HK1: variants seen among roughly 807,000 people sequenced by gnomAD.
HK1 encodes hexokinase-1.
Under a neutral mutation model 91.6 loss-of-function variants are expected in HK1, and 28 were observed. The observed-to-expected ratio is 0.31, with a 90% confidence interval of 0.23 to 0.42. The LOEUF (loss-of-function observed/expected upper bound fraction) is 0.42, where lower values mean the gene tolerates loss of function less well. HK1 is among the 10% of genes least tolerant of loss of function. The pLI, the probability that HK1 is intolerant of heterozygous loss-of-function variation, is 1.00. For missense variants in HK1, 770 were observed against 1,219.8 expected (o/e 0.63, Z 5.49); for synonymous variants, 430 against 468.1 (o/e 0.92, Z 1.05).
chr10:69,305,556 A>T (rs1382859018), intron 5 of HK1, among the ~76,000 whole-genome samples: 1 of 152,124 alleles, frequency 6.6e-6, no homozygotes, highest in Admixed American at 6.6e-5. Context: ...CCAGTTAAAA[A>T]AAAAGAAAAA....
chr10:69,363,499 C>T (rs1312197535), intron 3 of HK1, among the ~76,000 whole-genome samples: 1 of 152,210 alleles, frequency 6.6e-6, no homozygotes, highest in Non-Finnish European at 1.5e-5. Flanking sequence ...TCATCTCAGC[C>T]TCCCAAGTAG....
rs747689299 is a variant in HK1, at chr10:69,382,623, C to T, written c.1402C>T (p.Arg468Trp). The T allele has an allele frequency of 9.3e-6, 15 of 1,614,058 alleles. No homozygotes were observed. Among genetic ancestry groups the T allele is most frequent in the Middle Eastern group, 3.3e-4 (2 of 6,084 alleles). ...GGCCTACCGCTTGGCCGAGCAGCACCGGCAGATAGAGGAGACCCTGGCTCA... is the reference window on the plus strand; with the variant it reads ...GGCCTACCGCTTGGCCGAGCAGCACTGGCAGATAGAGGAGACCCTGGCTCA... ...AVAYRLAEQH[R>W]QIEETLAHFH... Residue 468 changes from arginine to tryptophan, a missense_variant, in exon 10 of 18, where the codon CGG (arginine) becomes TGG (tryptophan). Physicochemically the swap from Arg to Trp is moderately radical, Grantham distance 101 (BLOSUM62 -3). Around this residue, in one of 7 missense-constraint regions of HK1, gnomAD observed 449 missense variants for 665.1 expected, o/e 0.68. Transcript: ENST00000359426.
At chr10:69,395,242 C>A (rs1840082760) in intron 16 of HK1, 137 bp downstream of exon 16, 1 of 733,354 alleles carries the variant, frequency 1.4e-6, no homozygotes, top group East Asian at 2.7e-5. Flanking sequence ...GAATAGCAGA[C>A]CCTGGGCATT....
Position 69,344,759 on chromosome 10 carries a change from G to T in HK1, c.226+770G>T, listed in dbSNP as rs75306805. Among the ~76,000 whole-genome samples, 87 of 152,266 alleles carry T rather than the reference G, an allele frequency of 5.7e-4. No homozygotes were observed. In the East Asian group the frequency reaches 0.015, roughly 26 times the overall value. ...CTGCTCAGTGGAAGCTGTTCTTCCC[G>T]GCAGACCCGCAGTTACTAGTTTGTG... On this transcript the variant is annotated intron_variant, in intron 2 of 17. Transcript: ENST00000359426.
chr10:69,395,516 T>G (rs1840095101), intron 16 of HK1, among the ~76,000 whole-genome samples: 2 of 152,188 alleles, frequency 1.3e-5, no homozygotes, highest in Non-Finnish European at 2.9e-5. Context: ...AGGTGGAGGT[T>G]GCAGTGAGCT....
chr10:69,398,935 C>T, intron 17 of HK1, 107 bp downstream of exon 17: 1 of 807,010 alleles, frequency 1.2e-6, no homozygotes, highest in South Asian at 1.6e-5. Context: ...GGGAGCCCAG[C>T]CAGGCTGAAG....
At position 69,300,458 on chromosome 10, in the gene HK1, CTG is replaced by C; in HGVS notation, c.-66-305_-66-304del. On this transcript the variant is annotated intron_variant, in intron 4 of 21. Transcript: ENST00000360289. ...AAAAAGAATCCCAGGATTTTCCTTC[CTG>C]TGTGTTTTCGTCTTGCTTCTTTATG... 3.7e-6 allele frequency: 3 copies of C among 820,044 alleles called. No homozygotes were observed. The South Asian group carries it at 4.3e-5, about 12-fold the overall frequency. 50.8% of individuals were successfully genotyped at this position (820,044 alleles called of 1,614,324 possible). A position where few individuals can be genotyped will look rare whatever the true frequency, so the allele number is the denominator to read the frequency against.
chr10:69,368,942 G>A (rs12248026), intron 5 of HK1, among the ~76,000 whole-genome samples: 2,266 of 152,336 alleles, frequency 0.015, 50 homozygotes, highest in African/African-American at 0.052. Context: ...AGAGGAGCCC[G>A]CCTTATCGGG....
At chr10:69,392,862 G>A (rs1839967118) in intron 15 of HK1, among the ~76,000 whole-genome samples, 1 of 152,208 alleles carries the variant, frequency 6.6e-6, no homozygotes, top group African/African-American at 2.4e-5. Context: ...GCAGAAAGAA[G>A]GGCTGGAGCA....
chr10:69,399,084 ACTC>A (rs951046783), intron 17 of HK1, among the ~76,000 whole-genome samples: 4 of 151,856 alleles, frequency 2.6e-5, no homozygotes, highest in African/African-American at 9.7e-5. Flanking sequence ...CCCTCACCCC[ACTC>A]CTCCTGGTCC....
intron 2 of HK1, among the ~76,000 whole-genome samples, chr10:69,347,921 C>A (rs574169284): frequency 6.6e-6 from 1 of 152,076 alleles, no homozygotes; most frequent in East Asian, 1.9e-4. Flanking sequence ...GCCTTTAGTT[C>A]AAAATACTCA....
In HK1 at chr10:69,332,440, G is replaced by A. The variant is rs185986438; in HGVS notation, c.64-11387G>A. Among the ~76,000 whole-genome samples, 32 of 146,718 alleles carry A rather than the reference G, an allele frequency of 2.2e-4. No homozygotes were observed. The East Asian group carries it at 3.8e-3, about 17-fold the overall frequency. On this transcript the variant is annotated intron_variant, in intron 1 of 17. Coordinates refer to ENST00000359426, the MANE Select transcript of HK1 (RefSeq NM_000188.3). The stretch of plus-strand genomic sequence containing the variant: ...GTCATCCAGGCTGGAGTGCACTGGC[G>A]CAATCTTGACTCACCGCAACCTCTG...
intron 9 of HK1, among the ~76,000 whole-genome samples, chr10:69,381,823 G>A (rs546319847): frequency 2.2e-4 from 34 of 152,218 alleles, no homozygotes; most frequent in African/African-American, 7.5e-4. Flanking sequence ...CAAAGTACTG[G>A]GATTACAGGC....
chr10:69,316,078 C>T, upstream of HK1: 2 of 1,319,386 alleles, frequency 1.5e-6, no homozygotes, highest in Admixed American at 1.7e-5. Context: ...GATGCTTGGT[C>T]AGGCAGAGGT....
chr10:69,353,326 C>T (rs1452844065), intron 2 of HK1, among the ~76,000 whole-genome samples: 1 of 152,164 alleles, frequency 6.6e-6, no homozygotes, highest in East Asian at 1.9e-4. Context: ...TGATGGCTCA[C>T]GCCTGTAATC....
chr10:69,329,227 A>G (rs1847559237), intron 1 of HK1, among the ~76,000 whole-genome samples: 1 of 151,162 alleles, frequency 6.6e-6, no homozygotes, highest in Non-Finnish European at 1.5e-5. Flanking sequence ...CAGTGGTGCA[A>G]TCTTGGCTCA....
intron 1 of HK1, among the ~76,000 whole-genome samples, chr10:69,334,073 T>G (rs1158957744): frequency 6.6e-6 from 1 of 152,110 alleles, no homozygotes; most frequent in Non-Finnish European, 1.5e-5. Context: ...ATTGCGCCAC[T>G]GTACTCTCCA....
chr10:69,291,802 C>A (rs1845306824), intron 3 of HK1, among the ~76,000 whole-genome samples: 2 of 152,178 alleles, frequency 1.3e-5, no homozygotes, highest in South Asian at 4.1e-4. Flanking sequence ...CATTTGGTTT[C>A]TTTCTCATAG....
intron 1 of HK1, among the ~76,000 whole-genome samples, chr10:69,319,562 G>A (rs941135536): frequency 3.9e-5 from 6 of 152,264 alleles, no homozygotes; most frequent in African/African-American, 1.2e-4. Flanking sequence ...TCCCGGAACG[G>A]GGAGGGGCGG....
Sources: gnomAD v4.1 joint callset for allele counts (sites outside exome capture counted in the v4.1 genomes callset) on GRCh38, gnomAD v4.1.1 for gene constraint, gnomAD v4.1.1 regional missense constraint, MANE v1.5 for transcripts, NCBI Gene and HGNC (gene_info 2026-07-23, HGNC 2026-07-21) for gene names.